ROBO1: variants seen among roughly 807,000 people sequenced by gnomAD.
ROBO1 encodes the protein roundabout homolog 1.
In ROBO1, 149 loss-of-function variants were observed where a neutral mutation model predicts 195.9. That is an observed-to-expected ratio of 0.76 (90% CI 0.67 to 0.87). The LOEUF (loss-of-function observed/expected upper bound fraction) is 0.87, where lower values mean the gene tolerates loss of function less well. ROBO1 is among the 40% of genes least tolerant of loss of function. The pLI is 0.00. For synonymous variants in ROBO1, 816 were observed against 733.2 expected (o/e 1.11, Z -1.82); for missense variants, 1,933 against 2,068.3 (o/e 0.93, Z 1.27).
At chr3:79,471,808 C>T (rs1394374200) in intron 2 of ROBO1, among the ~76,000 whole-genome samples, 4 of 151,950 alleles carry the variant, frequency 2.6e-5, no homozygotes, top group Non-Finnish European at 5.9e-5. Context: ...ACCTGGAAAC[C>T]ATCATTCTCA....
intron 2 of ROBO1, among the ~76,000 whole-genome samples, chr3:79,149,543 GTTT>G (rs557682879): frequency 0.012 from 1,845 of 147,618 alleles, 40 homozygotes; most frequent in African/African-American, 0.046. Flanking sequence ...TGTTGTTGTT[GTTT>G]TTGTCTTTCA....
At chr3:79,642,019 G>A (rs1945679091) in intron 1 of ROBO1, among the ~76,000 whole-genome samples, 1 of 151,992 alleles carries the variant, frequency 6.6e-6, no homozygotes, top group South Asian at 2.1e-4. Flanking sequence ...AGACTGTTTT[G>A]TTTTGTTTTT....
At chr3:79,140,233 G>A (rs924949898) in intron 2 of ROBO1, among the ~76,000 whole-genome samples, 8 of 152,014 alleles carry the variant, frequency 5.3e-5, no homozygotes, top group Non-Finnish European at 1.2e-4. Context: ...ACTGCTACTG[G>A]TTACTGTGTA....
chr3:79,586,945 C>G (rs562060027), intron 2 of ROBO1, among the ~76,000 whole-genome samples: 1 of 151,920 alleles, frequency 6.6e-6, no homozygotes, highest in South Asian at 2.1e-4. Context: ...ACATGAAAAA[C>G]ATCTACCAGT....
chr3:79,106,825 T>A (rs2079790793), intron 3 of ROBO1, among the ~76,000 whole-genome samples: 5 of 151,644 alleles, frequency 3.3e-5, no homozygotes, highest in Admixed American at 2.6e-4. Context: ...GCAGTGAAGT[T>A]GCACAGGAAA....
chr3:79,050,170 C>T (rs189192972), intron 3 of ROBO1, among the ~76,000 whole-genome samples: 74 of 152,230 alleles, frequency 4.9e-4, no homozygotes, highest in Admixed American at 1.8e-3. Context: ...CAGAAACACA[C>T]ATAGGCTCAA....
chr3:78,875,972 A>C (rs942776431), intron 4 of ROBO1, among the ~76,000 whole-genome samples: 2 of 152,128 alleles, frequency 1.3e-5, no homozygotes. Flanking sequence ...AATATAAATC[A>C]GGGCTTACTT....
At chr3:78,888,179 A>G (rs545325892) in intron 4 of ROBO1, among the ~76,000 whole-genome samples, 3 of 152,216 alleles carry the variant, frequency 2.0e-5, no homozygotes, top group Non-Finnish European at 4.4e-5. Context: ...GTTTTGATCA[A>G]TTAAAAGTTT....
At chr3:79,342,012 G>A (rs1345663905) in intron 2 of ROBO1, among the ~76,000 whole-genome samples, 1 of 152,146 alleles carries the variant, frequency 6.6e-6, no homozygotes, top group Admixed American at 6.6e-5. Flanking sequence ...ATGAAAGAGA[G>A]GGGCTTTCCA....
At chr3:78,974,817 G>C (rs879406024) in intron 3 of ROBO1, among the ~76,000 whole-genome samples, 3 of 152,054 alleles carry the variant, frequency 2.0e-5, no homozygotes, top group Non-Finnish European at 4.4e-5. Context: ...TTTGAGAATG[G>C]ATAAATGAAG....
intron 3 of ROBO1, among the ~76,000 whole-genome samples, chr3:79,056,665 G>A (rs902247789): frequency 6.6e-6 from 1 of 152,146 alleles, no homozygotes; most frequent in Non-Finnish European, 1.5e-5. Flanking sequence ...AATCTCTGCA[G>A]TCCCAGAGCT....
At position 79,287,962 on chromosome 3, in the gene ROBO1, T is replaced by A. The variant is rs374533410; in HGVS notation, c.89-162423A>T. On this transcript the variant is annotated intron_variant, in intron 2 of 30. Transcript: ENST00000464233. ...GACATAAATGAGAACACCCTAACCA[T>A]TCAAAATGAAACAAAAGAATGCCTA... Among the ~76,000 whole-genome samples the A allele has an allele frequency of 2.2e-3, 331 of 152,172 alleles. 1 individual carries two copies. The highest frequency in any genetic ancestry group is 7.0e-3 in the African/African-American group (290 of 41,540).
At chr3:78,930,731 A>G (rs1407195007) in intron 4 of ROBO1, among the ~76,000 whole-genome samples, 3 of 152,098 alleles carry the variant, frequency 2.0e-5, no homozygotes, top group Non-Finnish European at 4.4e-5. Context: ...TTTCATCTCT[A>G]TTACTACCAC....
chr3:78,738,038 C>A (rs2082433173), intron 5 of ROBO1, among the ~76,000 whole-genome samples: 1 of 151,882 alleles, frequency 6.6e-6, no homozygotes, highest in Non-Finnish European at 1.5e-5. Context: ...GAAGAGGAAG[C>A]AAAAGACATT....
chr3:79,162,871 T>C (rs368309407), intron 2 of ROBO1, among the ~76,000 whole-genome samples: 2 of 152,248 alleles, frequency 1.3e-5, no homozygotes, highest in South Asian at 2.1e-4. Context: ...GAATCACTGG[T>C]AAGAAACTGA....
chr3:78,626,413 AT>A (rs1334534573), intron 26 of ROBO1, among the ~76,000 whole-genome samples: 1 of 152,218 alleles, frequency 6.6e-6, no homozygotes, highest in Non-Finnish European at 1.5e-5. Flanking sequence ...GTTAATAAAC[AT>A]TGCAAAATTC....
intron 2 of ROBO1, among the ~76,000 whole-genome samples, chr3:79,443,834 A>G (rs2039141509): frequency 6.6e-6 from 1 of 152,150 alleles, no homozygotes; most frequent in Non-Finnish European, 1.5e-5. Context: ...TAGAGCACAC[A>G]GGGTAGACCT....
intron 2 of ROBO1, among the ~76,000 whole-genome samples, chr3:79,426,744 G>A (rs1272434676): frequency 2.0e-5 from 3 of 151,658 alleles, no homozygotes; most frequent in Admixed American, 6.6e-5. Context: ...TTTTTTCTTT[G>A]AATTCAACTA....
At chr3:78,855,038 C>T (rs1373335353) in intron 4 of ROBO1, among the ~76,000 whole-genome samples, 9 of 151,958 alleles carry the variant, frequency 5.9e-5, no homozygotes, top group Non-Finnish European at 1.2e-4. Context: ...TGGGATTAAA[C>T]ATCCAACTAT....
Sources: allele counts gnomAD v4.1 joint callset (sites outside exome capture counted in the v4.1 genomes callset), GRCh38; gene constraint gnomAD v4.1.1; transcripts MANE v1.5; gene names NCBI Gene and HGNC (gene_info 2026-07-23, HGNC 2026-07-21).